The following COP1 variants were observed in gnomAD, a reference collection of about 807,000 sequenced individuals.
COP1 encodes E3 ubiquitin-protein ligase COP1.
COP1 carries 24 observed loss-of-function variants against 101.3 expected under a neutral mutation model. The ratio of observed to expected loss-of-function variants is 0.24; its 90% confidence interval spans 0.17 to 0.33. The LOEUF (loss-of-function observed/expected upper bound fraction) is 0.33, where lower values mean the gene tolerates loss of function less well. COP1 is among the 10% of genes least tolerant of loss of function. The pLI is 1.00. For synonymous variants in COP1, 347 were observed against 341.9 expected (o/e 1.01, Z -0.17); for missense variants, 663 against 906.2 (o/e 0.73, Z 3.45).
intron 1 of COP1, among the ~76,000 whole-genome samples, chr1:176,191,987 C>T (rs1699160789): frequency 6.6e-6 from 1 of 152,050 alleles, no homozygotes; most frequent in Non-Finnish European, 1.5e-5. Flanking sequence ...GTGCTAGCTT[C>T]AGGGTCAGAA....
intron 11 of COP1, among the ~76,000 whole-genome samples, chr1:176,078,907 T>A (rs1014450106): frequency 6.6e-6 from 1 of 151,948 alleles, no homozygotes; most frequent in African/African-American, 2.4e-5. Flanking sequence ...GCATCACTAA[T>A]CATCAGAGAA....
chr1:176,089,579 G>A (rs1196957312), intron 9 of COP1, among the ~76,000 whole-genome samples: 1 of 152,194 alleles, frequency 6.6e-6, no homozygotes, highest in African/African-American at 2.4e-5. Context: ...CTAAGGTACT[G>A]TAATGTATAC....
chr1:176,080,458 C>T (rs999846761), intron 11 of COP1, among the ~76,000 whole-genome samples: 3 of 152,002 alleles, frequency 2.0e-5, no homozygotes, highest in African/African-American at 7.2e-5. Flanking sequence ...AAAATACAGC[C>T]TATCAGTAAA....
intron 18 of COP1, among the ~76,000 whole-genome samples, chr1:175,983,185 T>C (rs1420758693): frequency 5.8e-4 from 88 of 152,230 alleles, no homozygotes; most frequent in Non-Finnish European, 3.8e-4. Context: ...AACTGATGGC[T>C]TAAAGGAATG....
chr1:175,957,078 A>C (rs1650749415), intron 18 of COP1, among the ~76,000 whole-genome samples: 2 of 152,172 alleles, frequency 1.3e-5, no homozygotes, highest in Non-Finnish European at 2.9e-5. Flanking sequence ...TCAAAAAGTG[A>C]AAAAAATTAA....
intron 8 of COP1, among the ~76,000 whole-genome samples, chr1:176,132,490 A>G (rs1449348592): frequency 6.6e-6 from 1 of 150,958 alleles, no homozygotes; most frequent in East Asian, 1.9e-4. Flanking sequence ...TACACAAACC[A>G]AGATGGGGGT....
intron 1 of COP1, among the ~76,000 whole-genome samples, chr1:176,193,314 G>T (rs190380016): frequency 6.6e-6 from 1 of 152,256 alleles, no homozygotes; most frequent in African/African-American, 2.4e-5. Flanking sequence ...CTTATACATT[G>T]CTAGTAGGAA....
At position 176,198,888 on chromosome 1, in the gene COP1, C is replaced by T. The variant is rs554137372; in HGVS notation, c.407+7684G>A. ...ATAACAATGTGATAAAACTACATAT[C>T]CACAAAAATGACTAATATTTAAAAG... On this transcript the variant is annotated intron_variant, in intron 1 of 19. Transcript: ENST00000367669. 2.6e-5 allele frequency among the ~76,000 whole-genome samples: 4 copies of T among 152,156 alleles called. No individual in the cohort carries two copies. In the East Asian group the frequency reaches 5.8e-4, roughly 22 times the overall value.
intron 1 of COP1, among the ~76,000 whole-genome samples, chr1:176,188,081 CAT>C (rs945168993): frequency 3.3e-5 from 5 of 151,976 alleles, no homozygotes; most frequent in African/African-American, 1.2e-4. Flanking sequence ...CCTCACCAGA[CAT>C]AAAAACCTCC....
chr1:176,131,202 G>C (rs1385351767), intron 8 of COP1, among the ~76,000 whole-genome samples: 7 of 151,794 alleles, frequency 4.6e-5, no homozygotes, highest in Non-Finnish European at 1.0e-4. Flanking sequence ...ATGATAGGCA[G>C]CTACTGAAAA....
intron 8 of COP1, among the ~76,000 whole-genome samples, chr1:176,117,211 TA>T (rs1473735782): frequency 6.6e-6 from 1 of 152,166 alleles, no homozygotes. Flanking sequence ...TTCAAAATAT[TA>T]TAATCAAACC....
At chr1:176,058,079 G>A (rs962297284) in intron 11 of COP1, among the ~76,000 whole-genome samples, 2 of 150,270 alleles carry the variant, frequency 1.3e-5, no homozygotes, top group African/African-American at 4.9e-5. Flanking sequence ...GGCCGGGAGG[G>A]AGGTGGGGAG....
At chr1:176,127,975 G>C (rs1473305457) in intron 8 of COP1, among the ~76,000 whole-genome samples, 1 of 151,954 alleles carries the variant, frequency 6.6e-6, no homozygotes, top group Non-Finnish European at 1.5e-5. Context: ...TTTCTCTGAT[G>C]ATTAGAGATG....
intron 9 of COP1, among the ~76,000 whole-genome samples, chr1:176,095,227 A>T (rs1415135850): frequency 6.6e-6 from 1 of 152,266 alleles, no homozygotes; most frequent in Non-Finnish European, 1.5e-5. Flanking sequence ...ACACATTTTC[A>T]TACAAGCAGA....
intron 12 of COP1, 72 bp from the exon 13 acceptor site, chr1:176,043,890 G>A (rs1322661609): frequency 2.2e-6 from 2 of 893,588 alleles, no homozygotes; most frequent in Middle Eastern, 2.2e-4. Flanking sequence ...ATTTTAATGT[G>A]TTCAGAAAGA....
At chr1:175,998,581 A>C (rs1316632783) in intron 15 of COP1, among the ~76,000 whole-genome samples, 1 of 152,016 alleles carries the variant, frequency 6.6e-6, no homozygotes, top group Non-Finnish European at 1.5e-5. Context: ...TTAAAAACTA[A>C]ATCTGTATAT....
chr1:176,198,811 A>G (rs596859), intron 1 of COP1, among the ~76,000 whole-genome samples: 42,883 of 152,014 alleles, frequency 0.28, 6,871 homozygotes, highest in East Asian at 0.52. Context: ...ATCAAAACAG[A>G]CATTTCACAA....
At chr1:176,189,814 T>C (rs1423134705) in intron 1 of COP1, among the ~76,000 whole-genome samples, 1 of 151,864 alleles carries the variant, frequency 6.6e-6, no homozygotes, top group Non-Finnish European at 1.5e-5. Context: ...ACAACAATCA[T>C]AATCTAATAT....
intron 2 of COP1, among the ~76,000 whole-genome samples, chr1:176,181,159 A>C (rs1697692747): frequency 6.6e-6 from 1 of 152,214 alleles, no homozygotes; most frequent in African/African-American, 2.4e-5. Flanking sequence ...AAGTGAAAGA[A>C]GTTCCTGCTA....
Sources: gnomAD v4.1 joint callset for allele counts (sites outside exome capture counted in the v4.1 genomes callset) on GRCh38, gnomAD v4.1.1 for gene constraint, MANE v1.5 for transcripts, NCBI Gene and HGNC (gene_info 2026-07-23, HGNC 2026-07-21) for gene names.